Variants in ATE1 observed in about 807,000 individuals in gnomAD.
ATE1 encodes arginyl-tRNA--protein transferase 1.
In ATE1, 36 loss-of-function variants were observed where a neutral mutation model predicts 70.5. That is an observed-to-expected ratio of 0.51 (90% CI 0.39 to 0.67). The LOEUF is 0.67. ATE1 is among the 30% of genes least tolerant of loss of function. ATE1 has a pLI of 0.00. For missense variants in ATE1, 593 were observed against 629.5 expected, an observed-to-expected ratio of 0.94 and a Z score of 0.62; for synonymous variants, 232 against 219.3, an observed-to-expected ratio of 1.06 and a Z score of -0.51.
Position 121,848,679 on chromosome 10 carries a change from G to A in ATE1, c.976-7416C>T, listed in dbSNP as rs536868549. Among the ~76,000 whole-genome samples, 35 of 149,828 alleles carry A rather than the reference G, an allele frequency of 2.3e-4. No homozygotes were observed. In the South Asian group the frequency reaches 7.2e-3, roughly 31 times the overall value. On this transcript the variant is annotated intron_variant, in intron 8 of 11. Transcript: ENST00000224652. ...TAATCCCAGCACTTTGGGAGTCCAA[G>A]GCGGGCGGATCACCTGAGGTCAGGA...
intron 10 of ATE1, among the ~76,000 whole-genome samples, chr10:121,790,545 C>A (rs977089136): frequency 6.6e-6 from 1 of 152,160 alleles, no homozygotes; most frequent in Non-Finnish European, 1.5e-5. Flanking sequence ...AGTTTTTACT[C>A]CCTTTTGGAA....
intron 10 of ATE1, among the ~76,000 whole-genome samples, chr10:121,825,444 C>A (rs1348461032): frequency 1.3e-5 from 2 of 152,222 alleles, no homozygotes; most frequent in Non-Finnish European, 2.9e-5. Flanking sequence ...CTGCAGGACC[C>A]TGTGCTCAAG....
At chr10:121,759,527 T>C (rs551898233) in intron 11 of ATE1, among the ~76,000 whole-genome samples, 22 of 152,028 alleles carry the variant, frequency 1.4e-4, no homozygotes, top group African/African-American at 4.8e-4. Context: ...ATTGAGACCA[T>C]CCCGGCTAAC....
At chr10:121,752,065 C>T (rs1944603687) in intron 11 of ATE1, among the ~76,000 whole-genome samples, 1 of 150,838 alleles carries the variant, frequency 6.6e-6, no homozygotes, top group African/African-American at 2.4e-5. Context: ...GGCACGGTGG[C>T]GGCCGCCTGT....
At chr10:121,796,276 C>A (rs1375168125) in intron 10 of ATE1, among the ~76,000 whole-genome samples, 2 of 152,004 alleles carry the variant, frequency 1.3e-5, no homozygotes, top group African/African-American at 4.8e-5. Context: ...AGATAAGATG[C>A]CTGAAAAAGT....
intron 1 of ATE1, 75 bp downstream of exon 1, chr10:121,927,769 G>C (rs1952160113): frequency 6.8e-7 from 1 of 1,471,382 alleles, no homozygotes. Context: ...GCCCCCTCGC[G>C]TCCTCGCTGG....
chr10:121,746,646 C>T (rs1944384122), intron 11 of ATE1, among the ~76,000 whole-genome samples: 1 of 152,044 alleles, frequency 6.6e-6, no homozygotes, highest in African/African-American at 2.4e-5. Flanking sequence ...CAACTTTTCA[C>T]AGTACATTCA....
At chr10:121,883,283 G>T (rs777857089) in intron 7 of ATE1, among the ~76,000 whole-genome samples, 2 of 151,920 alleles carry the variant, frequency 1.3e-5, no homozygotes, top group Non-Finnish European at 2.9e-5. Flanking sequence ...CCCCCAGAAT[G>T]CAAGTTCCAC....
intron 7 of ATE1, among the ~76,000 whole-genome samples, chr10:121,875,619 G>T (rs1453716944): frequency 6.6e-6 from 1 of 152,014 alleles, no homozygotes; most frequent in East Asian, 1.9e-4. Flanking sequence ...CTTGGTTTTT[G>T]ATGTGTAAAA....
chr10:121,840,313 G>A (rs1004479304), intron 9 of ATE1, among the ~76,000 whole-genome samples: 8 of 152,006 alleles, frequency 5.3e-5, no homozygotes, highest in African/African-American at 1.4e-4. Flanking sequence ...CATTTACACC[G>A]CATTAACTTA....
chr10:121,746,387 T>A (rs1211449318), intron 11 of ATE1, among the ~76,000 whole-genome samples: 1 of 152,206 alleles, frequency 6.6e-6, no homozygotes, highest in African/African-American at 2.4e-5. Flanking sequence ...TTACAGACTT[T>A]CACGCTGGGA....
At chr10:121,824,040 T>A (rs1947908435) in intron 10 of ATE1, among the ~76,000 whole-genome samples, 1 of 152,194 alleles carries the variant, frequency 6.6e-6, no homozygotes, top group Admixed American at 6.5e-5. Flanking sequence ...GACTCTGGTG[T>A]GGCAAAATTC....
At chr10:121,801,697 T>C (rs1488884108) in intron 10 of ATE1, among the ~76,000 whole-genome samples, 1 of 152,172 alleles carries the variant, frequency 6.6e-6, no homozygotes, top group Non-Finnish European at 1.5e-5. Context: ...TTATTTGCTT[T>C]TTTAAGGCTC....
At chr10:121,885,848 C>T (rs955658320) in intron 7 of ATE1, among the ~76,000 whole-genome samples, 12 of 151,966 alleles carry the variant, frequency 7.9e-5, no homozygotes, top group Non-Finnish European at 1.3e-4. Context: ...TGCAGTGAAT[C>T]GAGATTGTGC....
intron 7 of ATE1, among the ~76,000 whole-genome samples, chr10:121,874,624 T>C (rs1949971680): frequency 6.6e-6 from 1 of 152,184 alleles, no homozygotes; most frequent in Non-Finnish European, 1.5e-5. Context: ...CTATCCCAAT[T>C]GCAAGCAACG....
At chr10:121,745,550 A>G (rs569593157) in intron 11 of ATE1, among the ~76,000 whole-genome samples, 1 of 152,128 alleles carries the variant, frequency 6.6e-6, no homozygotes, top group South Asian at 2.1e-4. Flanking sequence ...CCCCGTCTCT[A>G]CTAAAAAAAA....
At chr10:121,805,396 A>G (rs1008201537) in intron 10 of ATE1, among the ~76,000 whole-genome samples, 2 of 152,230 alleles carry the variant, frequency 1.3e-5, no homozygotes, top group African/African-American at 4.8e-5. Flanking sequence ...CTATAAGCTG[A>G]GCACTATCCT....
chr10:121,915,387 G>A (rs1951607846), intron 3 of ATE1, among the ~76,000 whole-genome samples: 1 of 152,054 alleles, frequency 6.6e-6, no homozygotes, highest in Non-Finnish European at 1.5e-5. Flanking sequence ...TCAGAGACTA[G>A]TTTAAAAGGT....
intron 8 of ATE1, among the ~76,000 whole-genome samples, chr10:121,845,099 C>T (rs1948767464): frequency 6.6e-6 from 1 of 152,116 alleles, no homozygotes; most frequent in Non-Finnish European, 1.5e-5. Flanking sequence ...CCTTTATATG[C>T]TCTGGGAAAC....
Sources: allele counts gnomAD v4.1 joint callset (sites outside exome capture counted in the v4.1 genomes callset), GRCh38; gene constraint gnomAD v4.1.1; transcripts MANE v1.5; gene names NCBI Gene and HGNC (gene_info 2026-07-23, HGNC 2026-07-21).